Variants in NAV2 observed in about 807,000 individuals in gnomAD.
NAV2 encodes helicase, APC down-regulated 1.
A neutral mutation model predicts 223.2 loss-of-function variants in NAV2; 54 were observed. The ratio of observed to expected loss-of-function variants is 0.24; its 90% confidence interval spans 0.19 to 0.30. NAV2 has a LOEUF of 0.30. Among genes scored for constraint, NAV2 ranks in the 10% least tolerant of loss-of-function variants. The pLI is 1.00. For missense variants in NAV2, 2,806 were observed against 3,147.5 expected (o/e 0.89, Z 2.60); for synonymous variants, 1,279 against 1,239.3 (o/e 1.03, Z -0.67).
At chr11:19,609,767 G>C (rs1437661825) in intron 1 of NAV2, among the ~76,000 whole-genome samples, 2 of 152,202 alleles carry the variant, frequency 1.3e-5, no homozygotes, top group African/African-American at 4.8e-5. Context: ...GCAAGCCTCT[G>C]TGTTCTCAAA....
intron 10 of NAV2, among the ~76,000 whole-genome samples, chr11:19,976,887 G>T (rs1439418964): frequency 1.3e-5 from 2 of 152,184 alleles, no homozygotes; most frequent in Admixed American, 6.5e-5. Context: ...GGTGTGTGTT[G>T]TGGCCACAGG....
intron 4 of NAV2, among the ~76,000 whole-genome samples, chr11:19,878,371 T>G (rs1013042294): frequency 6.6e-6 from 1 of 152,202 alleles, no homozygotes; most frequent in Non-Finnish European, 1.5e-5. Flanking sequence ...AAAGTGTGCT[T>G]TTGCCTAAGT....
At chr11:19,704,067 T>TC (rs2049588525) in intron 1 of NAV2, among the ~76,000 whole-genome samples, 1 of 151,884 alleles carries the variant, frequency 6.6e-6, no homozygotes, top group African/African-American at 2.4e-5. Flanking sequence ...ACAAGCAGCC[T>TC]GGGTGATTTT....
At chr11:19,578,332 A>T (rs969856625) in intron 1 of NAV2, among the ~76,000 whole-genome samples, 5 of 152,212 alleles carry the variant, frequency 3.3e-5, no homozygotes, top group Non-Finnish European at 7.3e-5. Flanking sequence ...TGAGCCAGTG[A>T]TTTGCTAGTA....
intron 1 of NAV2, among the ~76,000 whole-genome samples, chr11:19,737,730 C>T (rs2052453112): frequency 1.3e-5 from 2 of 152,212 alleles, no homozygotes; most frequent in Admixed American, 6.5e-5. Context: ...ATGGAAGGCA[C>T]TTAGCAGGAG....
chr11:19,725,783 A>T (rs1423209266), intron 1 of NAV2, among the ~76,000 whole-genome samples: 2 of 152,266 alleles, frequency 1.3e-5, no homozygotes, highest in East Asian at 3.8e-4. Context: ...TGTATTAGGC[A>T]TGAACTGTTG....
At chr11:19,976,574 T>G (rs1220414794) in intron 10 of NAV2, among the ~76,000 whole-genome samples, 2 of 152,210 alleles carry the variant, frequency 1.3e-5, no homozygotes, top group African/African-American at 4.8e-5. Flanking sequence ...TTTGATTAGC[T>G]TAGCAACATC....
intron 1 of NAV2, among the ~76,000 whole-genome samples, chr11:19,377,516 C>T (rs892400441): frequency 6.6e-6 from 1 of 152,198 alleles, no homozygotes; most frequent in Non-Finnish European, 1.5e-5. Flanking sequence ...CCTCTCTCTC[C>T]ACTTGGCCAT....
chr11:19,936,535 A>G (rs545601131), intron 7 of NAV2, among the ~76,000 whole-genome samples: 9 of 152,184 alleles, frequency 5.9e-5, no homozygotes, highest in Non-Finnish European at 1.3e-4. Flanking sequence ...CTGGGTAACT[A>G]ACGTCCTTCT....
intron 1 of NAV2, among the ~76,000 whole-genome samples, chr11:19,780,332 G>C (rs939961670): frequency 6.6e-6 from 1 of 152,224 alleles, no homozygotes; most frequent in East Asian, 1.9e-4. Context: ...AGAGCATACT[G>C]TGGGTGGTTC....
intron 1 of NAV2, among the ~76,000 whole-genome samples, chr11:19,685,199 T>A (rs1319518833): frequency 6.6e-6 from 1 of 152,208 alleles, no homozygotes; most frequent in Non-Finnish European, 1.5e-5. Flanking sequence ...TTTGGGTGGT[T>A]TGTCCTGCCC....
intron 6 of NAV2, among the ~76,000 whole-genome samples, chr11:19,919,944 G>A (rs1446150876): frequency 6.6e-6 from 1 of 152,076 alleles, no homozygotes; most frequent in East Asian, 1.9e-4. Flanking sequence ...GACCAGCCTG[G>A]ACAACATAAT....
intron 1 of NAV2, among the ~76,000 whole-genome samples, chr11:19,427,261 C>T (rs542227284): frequency 2.0e-5 from 3 of 152,230 alleles, no homozygotes; most frequent in Admixed American, 6.5e-5. Context: ...TCACACTTGA[C>T]GTGGGCTATA....
Position 19,777,890 on chromosome 11 carries a change from C to G in NAV2, c.268-54594C>G, listed in dbSNP as rs1439587570. 6.6e-6 allele frequency: 3 copies of G among 455,834 alleles called. No individual in the cohort carries two copies. The Admixed American group carries it at 7.1e-5, about 11-fold the overall frequency. The allele number at this position is 455,834 out of a possible 1,614,324, so 28.2% of individuals were successfully genotyped here. On this transcript the variant is annotated intron_variant, in intron 1 of 37. Transcript: ENST00000349880. ...CCGGGACAGCGTGGTCCGCGTCCCC[C>G]GAGCCCCCATTGTGTCTTGATACTT... is the stretch of plus-strand genomic sequence containing the variant.
At chr11:19,616,774 C>T (rs1219436466) in intron 1 of NAV2, among the ~76,000 whole-genome samples, 1 of 152,024 alleles carries the variant, frequency 6.6e-6, no homozygotes, top group Non-Finnish European at 1.5e-5. Flanking sequence ...AGATGGGTTC[C>T]TTTTTCCTTT....
At chr11:19,935,500 A>G (rs866470572) in intron 7 of NAV2, among the ~76,000 whole-genome samples, 2 of 152,220 alleles carry the variant, frequency 1.3e-5, no homozygotes, top group Middle Eastern at 3.4e-3. Context: ...TCAGCTTGCT[A>G]TGTTTGTATG....
intron 28 of NAV2, 126 bp from the exon 29 acceptor site, chr11:20,092,973 A>ACCCCCCCCCCCCCCTCCCCCCCCCC: frequency 1.3e-5 from 1 of 75,886 alleles, no homozygotes; most frequent in Admixed American, 1.8e-4. Flanking sequence ...CTCTTCCCCT[A>ACCCCCCCCCCCCCCTCCCCCCCCCC]CCCCCCCACC....
At chr11:19,722,850 T>G (rs1353345760) in intron 1 of NAV2, among the ~76,000 whole-genome samples, 1 of 152,184 alleles carries the variant, frequency 6.6e-6, no homozygotes, top group Non-Finnish European at 1.5e-5. Context: ...CTGAACACTG[T>G]CTGGAGCCAG....
At chr11:19,781,585 C>T (rs1265662618) in intron 1 of NAV2, among the ~76,000 whole-genome samples, 2 of 152,122 alleles carry the variant, frequency 1.3e-5, no homozygotes, top group Non-Finnish European at 2.9e-5. Context: ...TCAAAGACCC[C>T]CTGGGCCTGT....
Sources: allele counts gnomAD v4.1 joint callset (sites outside exome capture counted in the v4.1 genomes callset), GRCh38; gene constraint gnomAD v4.1.1; transcripts MANE v1.5; gene names NCBI Gene and HGNC (gene_info 2026-07-23, HGNC 2026-07-21).